GRM8: variants seen among roughly 807,000 people sequenced by gnomAD.
GRM8 encodes glutamate metabotropic receptor 8, also known as metabotropic glutamate receptor 8.
A neutral mutation model predicts 87.2 loss-of-function variants in GRM8; 47 were observed. That is an observed-to-expected ratio of 0.54 (90% CI 0.43 to 0.69). The LOEUF (loss-of-function observed/expected upper bound fraction) is 0.69. Ranked by LOEUF, GRM8 falls within the 30% of genes least tolerant of loss-of-function variation. The pLI, the probability that GRM8 is intolerant of heterozygous loss-of-function variation, is 0.00. For synonymous variants in GRM8, 396 were observed against 404.5 expected, an observed-to-expected ratio of 0.98 and a Z score of 0.25; for missense variants, 1,019 against 1,139.2, an observed-to-expected ratio of 0.89 and a Z score of 1.52.
chr7:126,756,775 G>A (rs2151560736), intron 7 of GRM8, among the ~76,000 whole-genome samples: 1 of 152,150 alleles, frequency 6.6e-6, no homozygotes, highest in South Asian at 2.1e-4. Flanking sequence ...ATAGATAGGT[G>A]GAGGATAGAG....
intron 2 of GRM8, among the ~76,000 whole-genome samples, chr7:127,143,504 A>G (rs1429625903): frequency 2.0e-5 from 3 of 152,188 alleles, no homozygotes; most frequent in Admixed American, 2.0e-4. Context: ...TATAAGCATA[A>G]GCCCATCATT....
intron 8 of GRM8, among the ~76,000 whole-genome samples, chr7:126,566,564 C>T (rs1322063507): frequency 6.6e-6 from 1 of 152,112 alleles, no homozygotes; most frequent in African/African-American, 2.4e-5. Context: ...AACTGGAACC[C>T]TTGCACACTG....
intron 6 of GRM8, among the ~76,000 whole-genome samples, chr7:126,893,825 C>G (rs66467157): frequency 0.15 from 22,293 of 151,842 alleles, 1,849 homozygotes; most frequent in Non-Finnish European, 0.2. Context: ...CACACTTAGT[C>G]TTAATTTCTC....
chr7:126,478,194 C>T (rs543729635), intron 9 of GRM8, among the ~76,000 whole-genome samples: 93 of 152,246 alleles, frequency 6.1e-4, no homozygotes, highest in African/African-American at 2.1e-3. Flanking sequence ...CCATTTAACA[C>T]ACAACAATTA....
chr7:126,471,139 T>C (rs1805161866), intron 9 of GRM8, among the ~76,000 whole-genome samples: 1 of 151,824 alleles, frequency 6.6e-6, no homozygotes, highest in African/African-American at 2.4e-5. Flanking sequence ...ATTTTGTGGG[T>C]TGCCTGTTCA....
intron 8 of GRM8, among the ~76,000 whole-genome samples, chr7:126,572,256 T>C (rs1794746888): frequency 6.6e-6 from 1 of 151,978 alleles, no homozygotes; most frequent in Non-Finnish European, 1.5e-5. Context: ...AGCAAAAAGA[T>C]AAATATGAGA....
chr7:127,003,469 A>G (rs1194990085), intron 3 of GRM8, among the ~76,000 whole-genome samples: 1 of 151,754 alleles, frequency 6.6e-6, no homozygotes, highest in Non-Finnish European at 1.5e-5. Flanking sequence ...TCCCACCCAC[A>G]TGAAGAAAGT....
rs551655641 is a variant in GRM8, at chr7:126,633,176, C to T, written c.1358-23678G>A. Among the ~76,000 whole-genome samples the T allele has an allele frequency of 2.4e-4, 37 of 152,116 alleles. No individual in the cohort carries two copies. The South Asian group carries it at 7.1e-3, about 29-fold the overall frequency. Reference sequence around the variant, plus strand: ...TGCAAATTTTAGCAGATAGAAGTAGCTCTCAGAATCTGCTGACCACAATGC... The same window carrying T: ...TGCAAATTTTAGCAGATAGAAGTAGTTCTCAGAATCTGCTGACCACAATGC... On this transcript the variant is annotated intron_variant, in intron 7 of 10. Coordinates refer to ENST00000339582, the MANE Select transcript of GRM8 (RefSeq NM_000845.3).
At chr7:127,052,334 T>C (rs1819574739) in intron 3 of GRM8, among the ~76,000 whole-genome samples, 1 of 152,166 alleles carries the variant, frequency 6.6e-6, no homozygotes, top group South Asian at 2.1e-4. Context: ...CTTTATCCCC[T>C]CTATGCATAG....
At chr7:126,941,668 C>T (rs1481270388) in intron 3 of GRM8, among the ~76,000 whole-genome samples, 3 of 151,458 alleles carry the variant, frequency 2.0e-5, no homozygotes, top group African/African-American at 4.8e-5. Flanking sequence ...CAGACAAGTT[C>T]GTGTCATTTT....
At position 126,602,476 on chromosome 7, in the gene GRM8, A is replaced by C. The variant is rs376405001; in HGVS notation, c.1494+6886T>G. On this transcript the variant is annotated intron_variant, in intron 8 of 10. Transcript: ENST00000339582. The stretch of plus-strand genomic sequence containing the variant: ...TTTTTCCAATTCTGTGAAGAAAGTC[A>C]TTGGTAGCTTGATGGGGATGGCATT... Among the ~76,000 whole-genome samples the C allele has an allele frequency of 4.6e-3, 617 of 135,210 alleles. 7 individuals carry two copies. Among genetic ancestry groups the C allele is most frequent in the African/African-American group, 0.013 (503 of 38,542 alleles). 88.7% of individuals were successfully genotyped at this position (135,210 alleles called of 152,430 possible).
At chr7:126,672,521 C>T (rs1806488811) in intron 7 of GRM8, among the ~76,000 whole-genome samples, 1 of 152,132 alleles carries the variant, frequency 6.6e-6, no homozygotes, top group Non-Finnish European at 1.5e-5. Context: ...GTAATCATGT[C>T]TCTGTACTAT....
At chr7:127,068,478 T>A (rs2402852) in intron 3 of GRM8, among the ~76,000 whole-genome samples, 1 of 151,944 alleles carries the variant, frequency 6.6e-6, no homozygotes, top group African/African-American at 2.4e-5. Flanking sequence ...GGTGCTAAAC[T>A]CAAGACAGTC....
intron 7 of GRM8, among the ~76,000 whole-genome samples, chr7:126,622,340 T>G (rs1458379773): frequency 6.6e-6 from 1 of 152,154 alleles, no homozygotes; most frequent in East Asian, 1.9e-4. Flanking sequence ...AGTTGGCCCA[T>G]TTCCCCCTCG....
intron 3 of GRM8, among the ~76,000 whole-genome samples, chr7:126,970,959 T>C (rs1447912743): frequency 6.6e-6 from 1 of 152,024 alleles, no homozygotes; most frequent in Non-Finnish European, 1.5e-5. Flanking sequence ...ATAACATTTT[T>C]CAATCAAGTT....
rs564421212 is a variant in GRM8, at chr7:126,438,804, A to T, written c.*315T>A. 3.6e-6 allele frequency: 1 copy of T among 275,736 alleles called. No homozygotes were observed. Among genetic ancestry groups the T allele is most frequent in the Non-Finnish European group, 6.9e-6 (1 of 145,596 alleles). 17.1% of individuals were successfully genotyped at this position (275,736 alleles called of 1,614,324 possible). ...AATCACAGAAAAATACAAGAATAAC[A>T]TCAGACATTATTTATTTCAACAGCA... On this transcript the variant is annotated 3_prime_UTR_variant, in exon 11 of 11. Coordinates refer to ENST00000339582, the MANE Select transcript of GRM8 (RefSeq NM_000845.3).
At chr7:126,571,323 C>A (rs1307976105) in intron 8 of GRM8, among the ~76,000 whole-genome samples, 2 of 152,246 alleles carry the variant, frequency 1.3e-5, no homozygotes, top group African/African-American at 4.8e-5. Flanking sequence ...AAGGGAACCC[C>A]ATGGAGACAC....
At chr7:126,726,586 T>G (rs1218228059) in intron 7 of GRM8, among the ~76,000 whole-genome samples, 3 of 152,178 alleles carry the variant, frequency 2.0e-5, no homozygotes, top group African/African-American at 7.2e-5. Flanking sequence ...CTGGTCCTAT[T>G]GCCATTATCT....
chr7:126,793,418 T>C (rs1282592684), intron 6 of GRM8, among the ~76,000 whole-genome samples: 2 of 152,142 alleles, frequency 1.3e-5, no homozygotes, highest in Non-Finnish European at 2.9e-5. Flanking sequence ...AATTCAAAGC[T>C]GGAGTCCCCT....
Sources: gnomAD v4.1 joint callset for allele counts (sites outside exome capture counted in the v4.1 genomes callset) on GRCh38, gnomAD v4.1.1 for gene constraint, MANE v1.5 for transcripts, NCBI Gene and HGNC (gene_info 2026-07-23, HGNC 2026-07-21) for gene names.